GALNS: variants seen among roughly 807,000 people sequenced by gnomAD.
The protein encoded by GALNS is galactosamine (N-acetyl)-6-sulfatase, also known as N-acetylgalactosamine-6-sulfatase.
A neutral mutation model predicts 65.9 loss-of-function variants in GALNS; 65 were observed. That is an observed-to-expected ratio of 0.99 (90% CI 0.81 to 1.21). The LOEUF (loss-of-function observed/expected upper bound fraction) is 1.21. Ranked by LOEUF, GALNS falls within the 50% of genes most tolerant of loss-of-function variation. GALNS has a pLI of 0.00. For synonymous variants in GALNS, 346 were observed against 288.9 expected, an observed-to-expected ratio of 1.20 and a Z score of -2.00; for missense variants, 776 against 700.7, an observed-to-expected ratio of 1.11 and a Z score of -1.21.
At chr16:88,853,334 T>G (rs939324612) in intron 1 of GALNS, among the ~76,000 whole-genome samples, 1 of 149,692 alleles carries the variant, frequency 6.7e-6, no homozygotes, top group Non-Finnish European at 1.5e-5. Context: ...GAGCCATGGA[T>G]CAGTATCCTT....
intron 12 of GALNS, 149 bp downstream of exon 12, chr16:88,822,440 C>G: frequency 9.5e-7 from 1 of 1,056,636 alleles, no homozygotes; most frequent in Non-Finnish European, 1.4e-6. Flanking sequence ...GGCAGGCCAC[C>G]AAGCACGTGT....
At chr16:88,835,427 T>C in intron 7 of GALNS, 75 bp from the exon 8 acceptor site, 2 of 1,573,242 alleles carry the variant, frequency 1.3e-6, no homozygotes, top group Middle Eastern at 1.7e-4. Context: ...AACGGCATAC[T>C]GTGATTCACG....
At chr16:88,853,079 C>T (rs187484941) in intron 1 of GALNS, among the ~76,000 whole-genome samples, 18 of 151,788 alleles carry the variant, frequency 1.2e-4, no homozygotes, top group Non-Finnish European at 2.5e-4. Flanking sequence ...GGTGAAACCC[C>T]GTCTCCACTA....
chr16:88,856,327 G>T (rs1241299923), intron 1 of GALNS: 1 of 702,580 alleles, frequency 1.4e-6, no homozygotes, highest in Non-Finnish European at 2.6e-6. Flanking sequence ...TCTCAGGCAG[G>T]GCGGCAGGAG....
At chr16:88,827,015 A>G in intron 9 of GALNS, 177 bp from the exon 10 acceptor site, 1 of 736,224 alleles carries the variant, frequency 1.4e-6, no homozygotes, top group Non-Finnish European at 2.3e-6. Context: ...GAGACAGAGG[A>G]GCCTCAAACC....
chr16:88,844,208 T>C (rs912410352), intron 1 of GALNS: 14 of 152,228 alleles, frequency 9.2e-5, no homozygotes, highest in South Asian at 2.1e-4. Context: ...GCACGGAGGC[T>C]GGGGTGATGC....
At chr16:88,826,419 C>T (rs1188155239) in intron 10 of GALNS, among the ~76,000 whole-genome samples, 2 of 152,178 alleles carry the variant, frequency 1.3e-5, no homozygotes, top group African/African-American at 2.4e-5. Context: ...TGCCCGGGTA[C>T]AGGCAGGGAT....
intron 1 of GALNS, among the ~76,000 whole-genome samples, chr16:88,854,183 C>A (rs1967646221): frequency 6.6e-6 from 1 of 152,228 alleles, no homozygotes; most frequent in East Asian, 1.9e-4. Flanking sequence ...GGGCCCAGAG[C>A]TGTGGGTCAT....
chr16:88,856,457 G>A (rs745565821), intron 1 of GALNS: 3 of 700,462 alleles, frequency 4.3e-6, no homozygotes, highest in South Asian at 3.0e-5. Flanking sequence ...CCACCTGCCA[G>A]GGAGGACGCT....
rs770053354 is a variant in GALNS, at chr16:88,835,251, G to T, written c.860C>A (p.Ser287Ter). The change falls in exon 8 of 14, where the codon TCG (serine) becomes TAG (stop). Residue 287 changes from serine to a stop codon, truncating the protein, a stop_gained. Coordinates refer to ENST00000268695, the MANE Select transcript of GALNS (RefSeq NM_000512.5). LOFTEE classifies it high-confidence loss of function. ...VADNTFVFFT[S>*]DNGAALISAP... The stretch of plus-strand genomic sequence containing the variant: ...GGAAATGAGGGCAGCGCCGTTGTCC[G>T]ACGTGAAGAAGACGAAGGTGTTGTC... 6.2e-7 allele frequency: 1 copy of T among 1,606,430 alleles called. No individual in the cohort carries two copies. The highest frequency in any genetic ancestry group is 1.7e-5 in the Admixed American group (1 of 58,998).
chr16:88,826,673 G>A (rs533496410), intron 10 of GALNS, 29 bp downstream of exon 10: 3 of 1,604,192 alleles, frequency 1.9e-6, no homozygotes, highest in East Asian at 2.2e-5. Context: ...TGGATCGGGG[G>A]AAGGGGCCGG....
chr16:88,834,953 C>T (rs982260383), intron 8 of GALNS, among the ~76,000 whole-genome samples: 3 of 152,248 alleles, frequency 2.0e-5, no homozygotes, highest in South Asian at 4.1e-4. Flanking sequence ...CTTCGGGAGG[C>T]GTCAGCCTCT....
At chr16:88,856,484 A>T in intron 1 of GALNS, 1 of 699,684 alleles carries the variant, frequency 1.4e-6, no homozygotes, top group Non-Finnish European at 2.6e-6. Context: ...GTCATGCAGC[A>T]CAGTGGCAGC....
At chr16:88,819,743 G>T (rs1910009666) in intron 12 of GALNS, among the ~76,000 whole-genome samples, 1 of 152,130 alleles carries the variant, frequency 6.6e-6, no homozygotes, top group Admixed American at 6.5e-5. Flanking sequence ...ACCTAGGCTG[G>T]AGTGCAATGG....
intron 1 of GALNS, among the ~76,000 whole-genome samples, chr16:88,848,746 G>C (rs1223847049): frequency 1.3e-5 from 2 of 152,128 alleles, no homozygotes; most frequent in Non-Finnish European, 2.9e-5. Flanking sequence ...CAGAGGGGAA[G>C]CCCTCACCGG....
Position 88,856,450 on chromosome 16 carries a change from C to T in GALNS, c.120+308G>A, listed in dbSNP as rs1479223538. On this transcript the variant is annotated intron_variant, in intron 1 of 13. Coordinates refer to ENST00000268695, the MANE Select transcript of GALNS (RefSeq NM_000512.5). ...GGCCCGGTAGCACGCCGGCCACCCA[C>T]CTGCCAGGGAGGACGCTGTCCCGGT... The T allele has an allele frequency of 4.3e-6, 3 of 700,508 alleles. No individual in the cohort carries two copies. In the African/African-American group the frequency reaches 5.2e-5, roughly 12 times the overall value. The allele number at this position is 700,508 out of a possible 1,614,324, so 43.4% of individuals were successfully genotyped here.
intron 9 of GALNS, among the ~76,000 whole-genome samples, chr16:88,830,871 T>C (rs540522250): frequency 6.6e-6 from 1 of 152,266 alleles, no homozygotes; most frequent in East Asian, 1.9e-4. Context: ...CCTGAGAAGA[T>C]GTGCTTTGGG....
chr16:88,822,518 C>T (rs1910337637), intron 12 of GALNS, 71 bp downstream of exon 12: 3 of 1,597,938 alleles, frequency 1.9e-6, no homozygotes, highest in Non-Finnish European at 2.6e-6. Context: ...GGCTCTGTCC[C>T]TGTGGAGCCT....
chr16:88,834,788 GGAGGC>G (rs1911936163), intron 8 of GALNS, among the ~76,000 whole-genome samples: 1 of 152,176 alleles, frequency 6.6e-6, no homozygotes, highest in African/African-American at 2.4e-5. Flanking sequence ...CCATCTTCAT[GGAGGC>G]AGCCCGGCCC....
Sources: gnomAD v4.1 joint callset for allele counts (sites outside exome capture counted in the v4.1 genomes callset) on GRCh38, gnomAD v4.1.1 for gene constraint, MANE v1.5 for transcripts, NCBI Gene and HGNC (gene_info 2026-07-23, HGNC 2026-07-21) for gene names.